The following ARSG variants were observed in gnomAD, a reference collection of about 807,000 sequenced individuals.
ARSG encodes the protein arylsulfatase G.
A neutral mutation model predicts 50.5 loss-of-function variants in ARSG; 37 were observed. That is an observed-to-expected ratio of 0.73 (90% confidence interval 0.56 to 0.96). The LOEUF (loss-of-function observed/expected upper bound fraction) is 0.96. Among genes scored for constraint, ARSG ranks in the 50% least tolerant of loss-of-function variants. The pLI, the probability that ARSG is intolerant of heterozygous loss-of-function variation, is 0.00. For synonymous variants in ARSG, 225 were observed against 254.6 expected, an observed-to-expected ratio of 0.88 and a Z score of 1.11; for missense variants, 629 against 675.3, an observed-to-expected ratio of 0.93 and a Z score of 0.76.
intron 5 of ARSG, among the ~76,000 whole-genome samples, chr17:68,356,103 A>G (rs1003641847): frequency 1.3e-5 from 2 of 152,204 alleles, no homozygotes; most frequent in Admixed American, 6.5e-5. Flanking sequence ...GCTGGTCTCG[A>G]ACTCCTGACC....
chr17:68,322,056 G>A (rs1555770772), intron 2 of ARSG, among the ~76,000 whole-genome samples: 1 of 152,206 alleles, frequency 6.6e-6, no homozygotes, highest in Admixed American at 6.5e-5. Context: ...AAGGAAACGA[G>A]ATTGTTTCTG....
At chr17:68,299,475 A>G (rs1329235238) in intron 1 of ARSG, among the ~76,000 whole-genome samples, 1 of 152,058 alleles carries the variant, frequency 6.6e-6, no homozygotes, top group East Asian at 1.9e-4. Context: ...TATGATGCAT[A>G]AGGTGGGCCT....
At chr17:68,416,869 A>G (rs1045965561) in intron 11 of ARSG, among the ~76,000 whole-genome samples, 5 of 151,318 alleles carry the variant, frequency 3.3e-5, no homozygotes, top group African/African-American at 4.9e-5. Context: ...TTCTCCCTTC[A>G]CTTCTTGTAT....
At chr17:68,427,212 T>G (rs1360793149), downstream of ARSG, 1 of 1,614,168 alleles carries the variant, frequency 6.2e-7, no homozygotes, top group South Asian at 1.1e-5. Flanking sequence ...AGGTCTGAGG[T>G]CATTTTCTTT....
intron 6 of ARSG, among the ~76,000 whole-genome samples, chr17:68,358,495 C>T (rs1356274653): frequency 1.3e-5 from 2 of 151,810 alleles, no homozygotes; most frequent in Non-Finnish European, 2.9e-5. Context: ...TCGAAACCAG[C>T]CTGACCAACA....
intron 9 of ARSG, among the ~76,000 whole-genome samples, chr17:68,386,126 T>C (rs1207093121): frequency 6.6e-6 from 1 of 152,198 alleles, no homozygotes; most frequent in African/African-American, 2.4e-5. Context: ...AGAACTTGGC[T>C]GTGCAGCGTC....
chr17:68,260,739 T>C (rs2076095342), intron 1 of ARSG, among the ~76,000 whole-genome samples: 2 of 152,136 alleles, frequency 1.3e-5, no homozygotes, highest in South Asian at 4.1e-4. Context: ...GCAATCTGCC[T>C]GCCTTGGCCT....
At chr17:68,348,248 A>T (rs150245818) in intron 4 of ARSG, among the ~76,000 whole-genome samples, 319 of 152,218 alleles carry the variant, frequency 2.1e-3, no homozygotes, top group Non-Finnish European at 3.0e-3. Flanking sequence ...TTACTCCAGA[A>T]CTTGTTTCCT....
intron 2 of ARSG, among the ~76,000 whole-genome samples, chr17:68,341,193 C>T (rs999941549): frequency 6.6e-6 from 1 of 152,018 alleles, no homozygotes; most frequent in African/African-American, 2.4e-5. Context: ...TGATTCTTTC[C>T]TCTGTGTGGT....
intron 1 of ARSG, among the ~76,000 whole-genome samples, chr17:68,264,104 C>T (rs1265952972): frequency 1.3e-4 from 20 of 152,218 alleles, no homozygotes; most frequent in Admixed American, 7.2e-4. Context: ...GTGAGCCACC[C>T]GCCTCGGCTT....
intron 2 of ARSG, among the ~76,000 whole-genome samples, chr17:68,327,321 G>A (rs2077546317): frequency 6.6e-6 from 1 of 152,120 alleles, no homozygotes; most frequent in Non-Finnish European, 1.5e-5. Context: ...AAATTGAGTA[G>A]CTTACAACCA....
At chr17:68,433,371 G>A in the ARSG span, 16 of 1,126,342 alleles carry the variant, frequency 1.4e-5, no homozygotes, top group East Asian at 3.8e-4. Context: ...GCCAAGATTG[G>A]GTGTTCAGAA....
intron 1 of ARSG, chr17:68,267,493 C>T (rs2144894283): frequency 6.6e-6 from 1 of 152,232 alleles, no homozygotes; most frequent in African/African-American, 2.4e-5. Flanking sequence ...AACTATGCCA[C>T]TTTCATTTCA....
intron 1 of ARSG, chr17:68,267,890 AC>A (rs2075205557): frequency 6.6e-6 from 1 of 152,214 alleles, no homozygotes; most frequent in South Asian, 2.1e-4. Context: ...TGTCTCTGTT[AC>A]CCCCATGTGA....
chr17:68,429,087 TC>T, the ARSG span: 1 of 620,188 alleles, frequency 1.6e-6, no homozygotes, highest in Admixed American at 2.8e-5. Context: ...TTCTGGCTAT[TC>T]CTTTGCATTC....
chr17:68,444,783 A>G, the ARSG span, among the ~76,000 whole-genome samples: 1 of 152,188 alleles, frequency 6.6e-6, no homozygotes, highest in Non-Finnish European at 1.5e-5. Flanking sequence ...ACACAAGCAT[A>G]AAATGCAAGA....
chr17:68,273,829 G>C, intron 1 of ARSG: 1 of 1,409,824 alleles, frequency 7.1e-7, no homozygotes, highest in South Asian at 1.3e-5. Flanking sequence ...AAAAAAGAAA[G>C]AGAAAGAAAT....
intron 8 of ARSG, among the ~76,000 whole-genome samples, chr17:68,374,572 C>T (rs974904507): frequency 1.3e-5 from 2 of 152,110 alleles, no homozygotes; most frequent in Non-Finnish European, 2.9e-5. Context: ...TACTAGCTGG[C>T]CAGGTGCAGT....
chr17:68,330,590 G>T (rs901368636), intron 2 of ARSG, among the ~76,000 whole-genome samples: 11 of 152,200 alleles, frequency 7.2e-5, no homozygotes, highest in Non-Finnish European at 1.5e-4. Context: ...ACAGGGTGGG[G>T]GGTGCTATTT....
Sources: allele counts gnomAD v4.1 joint callset (sites outside exome capture counted in the v4.1 genomes callset), GRCh38; gene constraint gnomAD v4.1.1; transcripts MANE v1.5; gene names NCBI Gene and HGNC (gene_info 2026-07-23, HGNC 2026-07-21).